The following TNS1 variants were observed in gnomAD, a reference collection of about 807,000 sequenced individuals.
TNS1 encodes tensin 1.
Under a neutral mutation model 168.6 loss-of-function variants are expected in TNS1, and 62 were observed. The ratio of observed to expected loss-of-function variants is 0.37; its 90% CI spans 0.30 to 0.45. The LOEUF is 0.45. TNS1 is among the 20% of genes least tolerant of loss of function. TNS1 has a pLI of 1.00. For synonymous variants in TNS1, 934 were observed against 933.2 expected, an observed-to-expected ratio of 1.00 and a Z score of -0.02; for missense variants, 2,240 against 2,339.4, an observed-to-expected ratio of 0.96 and a Z score of 0.88.
intron 3 of TNS1, among the ~76,000 whole-genome samples, chr2:217,931,831 A>C (rs572757858): frequency 6.6e-6 from 1 of 152,336 alleles, no homozygotes; most frequent in South Asian, 2.1e-4. Flanking sequence ...AATAAAAGAC[A>C]TCTCAGATTT....
At position 217,849,963 on chromosome 2, in the gene TNS1, A is replaced by T. The variant is rs3791978; in HGVS notation, c.1430-876T>A. Reference sequence around the variant, plus strand: ...TCTCCAGCTCAATGCAAAGGATGTGATAGAACCATTCAGAGATACAATGTC... The same window carrying T: ...TCTCCAGCTCAATGCAAAGGATGTGTTAGAACCATTCAGAGATACAATGTC... On this transcript the variant is annotated intron_variant, in intron 18 of 32. Coordinates refer to ENST00000682258, the MANE Select transcript of TNS1 (RefSeq NM_001387777.1). 4 of 985,012 alleles carry T rather than the reference A, an allele frequency of 4.1e-6. No homozygotes were observed. In the African/African-American group the frequency reaches 5.3e-5, roughly 13 times the overall value. 61.0% of individuals were successfully genotyped at this position (985,012 alleles called of 1,614,324 possible).
At position 217,886,621 on chromosome 2, in the gene TNS1, G is replaced by A. The variant is rs1243026974; in HGVS notation, c.892C>T (p.Leu298Phe). The change falls in exon 13 of 33, where the codon CTC becomes TTC. Residue 298 changes from leucine to phenylalanine, a missense_variant. This residue lies in a region of TNS1 where 2,131 missense variants were observed against 2,171.2 expected (regional missense o/e 0.98). Transcript: ENST00000682258. ...RRYVHYFSGL[L>F]SGSIKMNNKP... ...TTGTTCATTTTGATGGAGCCGGAGAGCAGGCCACTGAAGTAATGCACGTAC... is the reference window on the plus strand; with the variant it reads ...TTGTTCATTTTGATGGAGCCGGAGAACAGGCCACTGAAGTAATGCACGTAC... 1 of 1,595,026 alleles carries A rather than the reference G, an allele frequency of 6.3e-7. No individual in the cohort carries two copies. Among genetic ancestry groups the A allele is most frequent in the South Asian group, 1.1e-5 (1 of 87,168 alleles).
intron 10 of TNS1, among the ~76,000 whole-genome samples, 196 bp downstream of exon 10, chr2:217,893,243 A>C (rs1951917497): frequency 6.6e-6 from 1 of 152,202 alleles, no homozygotes; most frequent in African/African-American, 2.4e-5. Flanking sequence ...TGTCCCCTAC[A>C]CTTCTTAGAA....
At chr2:217,914,294 T>C (rs1337569334) in intron 4 of TNS1, among the ~76,000 whole-genome samples, 7 of 152,160 alleles carry the variant, frequency 4.6e-5, no homozygotes, top group African/African-American at 1.4e-4. Context: ...TCACCCTACT[T>C]GGGCCTTTCA....
rs529733164 is a variant in TNS1, at chr2:217,811,513, G to GA, written c.5032+854dup. Among the ~76,000 whole-genome samples the GA allele has an allele frequency of 2.8e-4, 43 of 152,242 alleles. 1 individual carries two copies. The South Asian group carries it at 8.9e-3, about 32-fold the overall frequency. On this transcript the variant is annotated intron_variant, in intron 28 of 32. Transcript: ENST00000682258. ...GCCCCAGGAGCTCCAAGAAAGACTA[G>GA]AAAAAAATCCTAGGGCCACAGCCTA...
chr2:217,838,800 C>T (rs1300679001), intron 19 of TNS1, among the ~76,000 whole-genome samples: 2 of 152,134 alleles, frequency 1.3e-5, no homozygotes, highest in Non-Finnish European at 2.9e-5. Context: ...GAAGAGAGCC[C>T]CATTGTTCCT....
rs766202186 is a variant in TNS1, at chr2:217,848,357, C to A, written c.2160G>T (p.Gly720=). 4.5e-6 allele frequency: 7 copies of A among 1,540,534 alleles called. No individual in the cohort carries two copies. The highest frequency in any genetic ancestry group is 6.1e-6 in the Non-Finnish European group (7 of 1,141,606). ...CTGGCTGTGGCCAGGCTGGGTGGGG[C>A]CCCTCCCTCTGGTAGCCAGCTAAAC... The part of the protein sequence containing the change: ...QEGLAGYQRE[G]PHPAWPQPVT... The change falls in exon 19 of 33, where the codon GGG becomes GGT. Residue 720 remains glycine, a synonymous_variant. Coordinates refer to ENST00000682258, the MANE Select transcript of TNS1 (RefSeq NM_001387777.1).
At chr2:218,022,831 G>A (rs554843717) in intron 1 of TNS1, among the ~76,000 whole-genome samples, 25 of 152,170 alleles carry the variant, frequency 1.6e-4, no homozygotes, top group African/African-American at 5.8e-4. Context: ...CCATCTGTCA[G>A]GGGTGGGGAG....
chr2:217,835,157 G>C lies in TNS1; in HGVS notation c.3214C>G (p.His1072Asp), dbSNP rs772869891. 1 of 1,600,214 alleles carries C rather than the reference G, an allele frequency of 6.2e-7. No homozygotes were observed. Among genetic ancestry groups the C allele is most frequent in the Admixed American group, 1.7e-5 (1 of 57,626 alleles). Residue 1072 changes from histidine to aspartate, a missense_variant, in exon 21 of 33, where the codon CAC (histidine) becomes GAC (aspartate). His to Asp is a moderately conservative substitution (Grantham distance 81). Transcript: ENST00000682258. The part of the protein sequence containing the change: ...PGGRPKEPHL[H>D]SYKEAFEEME... ...TCCTCGAAGGCCTCCTTGTAGCTGT[G>C]CAAATGGGGCTGTGGGAGAACACAG...
At chr2:217,809,560 G>GATGC (rs1553534764) in intron 30 of TNS1, among the ~76,000 whole-genome samples, 1 of 57,752 alleles carries the variant, frequency 1.7e-5, no homozygotes. Flanking sequence ...TGGATGGATG[G>GATGC]ATGGATGGAT....
At position 217,842,253 on chromosome 2, in the gene TNS1, G is replaced by C. The variant is rs73074361; in HGVS notation, c.3007+5257C>G. The stretch of plus-strand genomic sequence containing the variant: ...ACAATTCCCATATCTCTAAGTTCCA[G>C]CCTCTTCTCCTTAAACTCCTGACTC... On this transcript the variant is annotated intron_variant, in intron 19 of 32. Transcript: ENST00000682258. 4,705 of 590,456 alleles carry C rather than the reference G, an allele frequency of 8.0e-3. 151 individuals carry two copies. The highest frequency in any genetic ancestry group is 0.078 in the African/African-American group (4,152 of 53,152). The allele number at this position is 590,456 out of a possible 1,614,324, so 36.6% of individuals were successfully genotyped here.
chr2:218,000,361 G>A (rs1173312013), intron 1 of TNS1, among the ~76,000 whole-genome samples: 1 of 152,224 alleles, frequency 6.6e-6, no homozygotes, highest in Non-Finnish European at 1.5e-5. Flanking sequence ...GCTGGTCAGA[G>A]TCCCTGGGCA....
chr2:217,877,648 G>A (rs919486804), intron 18 of TNS1, among the ~76,000 whole-genome samples: 1 of 152,248 alleles, frequency 6.6e-6, no homozygotes, highest in Non-Finnish European at 1.5e-5. Context: ...AGTGCTGCAA[G>A]CTGTAAACTT....
chr2:217,873,363 C>G (rs1027083979), intron 18 of TNS1, among the ~76,000 whole-genome samples: 1 of 151,300 alleles, frequency 6.6e-6, no homozygotes, highest in African/African-American at 2.4e-5. Flanking sequence ...GGTGGCAGGT[C>G]CCACCTTTCT....
chr2:217,919,519 G>A lies in TNS1; in HGVS notation c.228+676C>T, dbSNP rs1163621545. On this transcript the variant is annotated intron_variant, in intron 4 of 32. Transcript: ENST00000682258. Reference sequence around the variant, plus strand: ...TTGTCTGCTTCTAGGGCCATGGTGGGGAGGAAGAAGACCTCTGAAGGGTGA... The same window carrying A: ...TTGTCTGCTTCTAGGGCCATGGTGGAGAGGAAGAAGACCTCTGAAGGGTGA... Among the ~76,000 whole-genome samples the A allele has an allele frequency of 5.9e-5, 9 of 152,356 alleles. No homozygotes were observed. In the East Asian group the frequency reaches 1.7e-3, roughly 29 times the overall value.
intron 3 of TNS1, among the ~76,000 whole-genome samples, chr2:217,934,265 G>A (rs1329461493): frequency 6.6e-6 from 1 of 152,184 alleles, no homozygotes; most frequent in Non-Finnish European, 1.5e-5. Flanking sequence ...ATAGGTGATG[G>A]GAGGGGCTGA....
At chr2:217,927,929 G>A (rs1440551082) in intron 3 of TNS1, among the ~76,000 whole-genome samples, 14 of 152,190 alleles carry the variant, frequency 9.2e-5, no homozygotes, top group Admixed American at 9.2e-4. Context: ...GAAGGCCCCA[G>A]TCTCCATGCC....
rs114010810 is a variant in TNS1, at chr2:217,849,775, G to A, written c.1430-688C>T. On this transcript the variant is annotated intron_variant, in intron 18 of 32. Coordinates refer to ENST00000682258, the MANE Select transcript of TNS1 (RefSeq NM_001387777.1). Reference sequence around the variant, plus strand: ...GCCCATAGAGGTATCAGCATGGACGGCCAGTCGCCCCGAGGATAGCCTTTG... The same window carrying A: ...GCCCATAGAGGTATCAGCATGGACGACCAGTCGCCCCGAGGATAGCCTTTG... 3.5e-3 allele frequency: 3,407 copies of A among 985,394 alleles called. 81 individuals are homozygous for A. In the African/African-American group the frequency reaches 0.055, roughly 16 times the overall value. The allele number at this position is 985,394 out of a possible 1,614,324, so 61.0% of individuals were successfully genotyped here.
chr2:218,029,355 T>G (rs1958874125), intron 1 of TNS1, among the ~76,000 whole-genome samples: 1 of 152,260 alleles, frequency 6.6e-6, no homozygotes, highest in Non-Finnish European at 1.5e-5. Context: ...ATGATTCCTT[T>G]GATTCCGAGA....
Sources: gnomAD v4.1 joint callset for allele counts (sites outside exome capture counted in the v4.1 genomes callset) on GRCh38, gnomAD v4.1.1 for gene constraint, gnomAD v4.1.1 regional missense constraint, MANE v1.5 for transcripts, NCBI Gene and HGNC (gene_info 2026-07-23, HGNC 2026-07-21) for gene names.